Variants in KRT86 observed in about 807,000 individuals in gnomAD.
KRT86 encodes keratin 86.
KRT86 carries 30 observed loss-of-function variants against 41.2 expected under a neutral mutation model. The ratio of observed to expected loss-of-function variants is 0.73; its 90% CI spans 0.54 to 0.99. KRT86 has a LOEUF of 0.99. KRT86 is among the 50% of genes least tolerant of loss of function. The pLI is 0.00. For synonymous variants in KRT86, 238 were observed against 238.1 expected (o/e 1.00, Z 0.00); for missense variants, 561 against 571.4 (o/e 0.98, Z 0.19).
chr12:52,305,364 C>T lies in KRT86; in HGVS notation c.860C>T (p.Thr287Ile). The part of the protein sequence containing the change: ...EIKAQYDDIV[T>I]RSRAEAESWY... ...AAGGCACAGTACGATGACATTGTCA[C>T]CCGTAGCCGGGCTGAGGCCGAGTCC... Residue 287 changes from threonine (T) to isoleucine (I), a missense_variant, in exon 7 of 11, where the codon ACC (threonine) becomes ATC (isoleucine). Physicochemically the swap from Thr to Ile is moderately conservative, Grantham distance 89. Around this residue, in one of 3 missense-constraint regions of KRT86, gnomAD observed 397 missense variants for 375.9 expected, o/e 1.06. Transcript: ENST00000423955. 2 of 1,614,246 alleles carry T rather than the reference C, an allele frequency of 1.2e-6. No homozygotes were observed. Among genetic ancestry groups the T allele is most frequent in the East Asian group, 2.2e-5 (1 of 44,880 alleles).
intron 2 of KRT86, among the ~76,000 whole-genome samples, chr12:52,293,025 G>A (rs914121445): frequency 2.6e-5 from 4 of 152,160 alleles, no homozygotes; most frequent in Non-Finnish European, 5.9e-5. Context: ...ATGGTGGCAC[G>A]TGCCTGTATT....
At chr12:52,287,468 C>G (rs749032157) in intron 2 of KRT86, 4 of 1,583,054 alleles carry the variant, frequency 2.5e-6, no homozygotes, top group Admixed American at 1.8e-5. Flanking sequence ...TGAGAGACCA[C>G]GACCAGGGAC....
At chr12:52,301,585 G>C (rs539320540) in intron 2 of KRT86, among the ~76,000 whole-genome samples, 2 of 152,124 alleles carry the variant, frequency 1.3e-5, no homozygotes, top group African/African-American at 2.4e-5. Flanking sequence ...TTCGTCCAAC[G>C]TCAGTTTCCT....
chr12:52,298,790 T>C (rs1938307276), intron 2 of KRT86, among the ~76,000 whole-genome samples: 1 of 151,846 alleles, frequency 6.6e-6, no homozygotes, highest in African/African-American at 2.4e-5. Flanking sequence ...AAACTTTTTA[T>C]TTATTTATTT....
chr12:52,293,430 AT>A (rs1938181860), intron 2 of KRT86, among the ~76,000 whole-genome samples: 3 of 152,150 alleles, frequency 2.0e-5, no homozygotes, highest in Admixed American at 2.0e-4. Flanking sequence ...TGACTTCCTA[AT>A]CTTTGGATAA....
rs187305858 is a variant in KRT86 at position 52,286,951 on chromosome 12, G to C, written c.-5+11005G>C. The C allele has an allele frequency of 3.6e-5, 55 of 1,539,628 alleles. No homozygotes were observed. The East Asian group carries it at 1.1e-3, about 31-fold the overall frequency. On this transcript the variant is annotated intron_variant, in intron 2 of 10. Transcript: ENST00000423955. ...GAGTCTGAGGGAACAGCTTGCCTCA[G>C]ACAAACTCACACACCAGCCCTCCCC...
Position 52,308,693 on chromosome 12 carries a change from C to A in KRT86, c.*108C>A. On this transcript the variant is annotated 3_prime_UTR_variant, in exon 11 of 11. Coordinates refer to ENST00000423955, the MANE Select transcript of KRT86 (RefSeq NM_001320198.2). ...CCGGCCTCCCAATAGCCGCCGCCCGCTGCCTGCACTCTAAGCGCCCTCCCC... is the reference window on the plus strand; with the variant it reads ...CCGGCCTCCCAATAGCCGCCGCCCGATGCCTGCACTCTAAGCGCCCTCCCC... The A allele has an allele frequency of 1.9e-6, 2 of 1,076,690 alleles. No individual in the cohort carries two copies. Among genetic ancestry groups the A allele is most frequent in the South Asian group, 2.8e-5 (2 of 71,690 alleles). 66.7% of individuals were successfully genotyped at this position (1,076,690 alleles called of 1,614,324 possible).
At chr12:52,290,534 A>C (rs1248213081) in intron 2 of KRT86, among the ~76,000 whole-genome samples, 53 of 6,116 alleles carry the variant, frequency 8.7e-3, no homozygotes, top group Non-Finnish European at 8.7e-3. Context: ...GAGTTGAGTG[A>C]CCCCCCCCCC....
intron 2 of KRT86, chr12:52,278,826 C>T (rs950812192): frequency 1.1e-4 from 17 of 152,172 alleles, no homozygotes; most frequent in African/African-American, 3.9e-4. Flanking sequence ...TCTGTGACAG[C>T]TCCCTCTGTG....
At chr12:52,286,537 A>T (rs1430191601) in intron 2 of KRT86, 1 of 1,538,706 alleles carries the variant, frequency 6.5e-7, no homozygotes, top group Non-Finnish European at 8.8e-7. Context: ...AGGGCAAGCC[A>T]TCCTGCCTTC....
At chr12:52,296,003 G>C (rs2056050196) in intron 2 of KRT86, among the ~76,000 whole-genome samples, 1 of 152,138 alleles carries the variant, frequency 6.6e-6, no homozygotes, top group Admixed American at 6.5e-5. Flanking sequence ...GGGCTATAAG[G>C]GGGTGGTGGG....
At chr12:52,278,055 T>G (rs1937674932) in intron 2 of KRT86, among the ~76,000 whole-genome samples, 1 of 152,096 alleles carries the variant, frequency 6.6e-6, no homozygotes, top group African/African-American at 2.4e-5. Context: ...GTGAAGTGCC[T>G]TCTTCTCAAC....
At chr12:52,308,211 C>A in intron 9 of KRT86, 22 bp from the exon 10 acceptor site, 1 of 1,614,178 alleles carries the variant, frequency 6.2e-7, no homozygotes, top group Non-Finnish European at 8.5e-7. Flanking sequence ...CGGCACTGAC[C>A]TCTCGCCTTC....
chr12:52,301,943 C>T lies in KRT86; in HGVS notation c.27C>T (p.Gly9=), dbSNP rs201329364. The change falls in exon 3 of 11, where the codon GGC becomes GGT. Residue 9 remains glycine, a synonymous_variant. Coordinates refer to ENST00000423955, the MANE Select transcript of KRT86 (RefSeq NM_001320198.2). MTCGSYCG[G]RAFSCISACG... ...TGACTTGTGGATCTTACTGTGGTGG[C>T]CGCGCCTTCAGCTGCATCTCGGCCT... The T allele has an allele frequency of 1.5e-4, 235 of 1,613,704 alleles. No individual in the cohort carries two copies. The highest frequency in any genetic ancestry group is 1.9e-4 in the Non-Finnish European group (225 of 1,179,794).
At chr12:52,299,141 ACT>A (rs1938315182) in intron 2 of KRT86, among the ~76,000 whole-genome samples, 1 of 151,968 alleles carries the variant, frequency 6.6e-6, no homozygotes, top group Non-Finnish European at 1.5e-5. Context: ...CCATCATTCT[ACT>A]CTCTATCTGA....
At chr12:52,287,158 C>T (rs1374627460) in intron 2 of KRT86, 1 of 1,613,636 alleles carries the variant, frequency 6.2e-7, no homozygotes, top group Non-Finnish European at 8.5e-7. Flanking sequence ...TGTCCAGGCC[C>T]AGCTTGGAGT....
chr12:52,285,243 G>C (rs764043243), intron 2 of KRT86, among the ~76,000 whole-genome samples: 7 of 152,096 alleles, frequency 4.6e-5, no homozygotes, highest in African/African-American at 9.7e-5. Context: ...GGCCCAGGCA[G>C]TCTGGCTGGA....
chr12:52,287,391 C>G, intron 2 of KRT86: 2 of 1,592,370 alleles, frequency 1.3e-6, no homozygotes, highest in Non-Finnish European at 1.7e-6. Flanking sequence ...CCAAATGAGA[C>G]CACACTCCCC....
chr12:52,296,182 GAGA>G, intron 2 of KRT86, among the ~76,000 whole-genome samples: 1 of 152,180 alleles, frequency 6.6e-6, no homozygotes. Context: ...CTTAGAAGAA[GAGA>G]AGGAGAGTGC....
Sources: allele counts gnomAD v4.1 joint callset (sites outside exome capture counted in the v4.1 genomes callset), GRCh38; gene constraint gnomAD v4.1.1; regional missense constraint gnomAD v4.1.1; transcripts MANE v1.5; gene names NCBI Gene and HGNC (gene_info 2026-07-23, HGNC 2026-07-21).